Variants in PALS2 observed in about 807,000 individuals in gnomAD.
The protein encoded by PALS2 is protein associated with LIN7 2, MAGUK p55 family member.
A neutral mutation model predicts 61.6 loss-of-function variants in PALS2; 27 were observed. The observed-to-expected ratio is 0.44, with a 90% CI of 0.32 to 0.60. The LOEUF (loss-of-function observed/expected upper bound fraction) is 0.60. PALS2 is among the 20% of genes least tolerant of loss of function. The probability of loss-of-function intolerance (pLI) is 0.05; values close to 1 mark genes in which losing one functional copy is unlikely to be tolerated. For missense variants in PALS2, 554 were observed against 639.4 expected (o/e 0.87, Z 1.44); for synonymous variants, 236 against 218.6 (o/e 1.08, Z -0.70).
intron 1 of PALS2, among the ~76,000 whole-genome samples, chr7:24,609,418 G>A (rs1427319302): frequency 2.0e-5 from 3 of 152,124 alleles, no homozygotes; most frequent in Non-Finnish European, 4.4e-5. Flanking sequence ...CTCTGGATAT[G>A]GGACATATTA....
chr7:24,692,503 T>C lies in PALS2; in HGVS notation c.*4889T>C, dbSNP rs1788521744. ...TTAGGCTACTTTATCTGTTCTCTTT[T>C]AGTTATTTTAAAGTGTACCTGTTTC... On this transcript the variant is annotated 3_prime_UTR_variant, in exon 12 of 12. Transcript: ENST00000222644. 6.6e-6 allele frequency: 1 copy of C among 152,198 alleles called. No homozygotes were observed. Among genetic ancestry groups the C allele is most frequent in the African/African-American group, 2.4e-5 (1 of 41,464 alleles). 9.4% of individuals were successfully genotyped at this position (152,198 alleles called of 1,614,324 possible).
chr7:24,644,767 G>C (rs1399915254), intron 3 of PALS2, among the ~76,000 whole-genome samples: 1 of 151,846 alleles, frequency 6.6e-6, no homozygotes, highest in Non-Finnish European at 1.5e-5. Context: ...CCACCAAGAA[G>C]GTACGAGTGT....
chr7:24,597,049 G>C (rs1195341041), intron 1 of PALS2: 1 of 152,148 alleles, frequency 6.6e-6, no homozygotes, highest in East Asian at 1.9e-4. Context: ...GGTAGTTGGT[G>C]ATGTCGTAAT....
chr7:24,657,718 A>G (rs1786494931), intron 5 of PALS2, among the ~76,000 whole-genome samples: 1 of 152,144 alleles, frequency 6.6e-6, no homozygotes, highest in Admixed American at 6.5e-5. Context: ...AATCCAATTT[A>G]TGATTTTTTT....
At chr7:24,639,680 T>A (rs1191740805) in intron 2 of PALS2, among the ~76,000 whole-genome samples, 1 of 152,002 alleles carries the variant, frequency 6.6e-6, no homozygotes, top group Admixed American at 6.5e-5. Flanking sequence ...TTTCTTTTTT[T>A]TTTTTCCAAT....
At chr7:24,685,613 C>T (rs1242977417) in intron 11 of PALS2, among the ~76,000 whole-genome samples, 2 of 151,104 alleles carry the variant, frequency 1.3e-5, no homozygotes, top group Admixed American at 6.6e-5. Flanking sequence ...ATTCCTGTTC[C>T]ATCTGTATGG....
At chr7:24,647,849 T>C (rs1329840237) in intron 3 of PALS2, among the ~76,000 whole-genome samples, 2 of 152,178 alleles carry the variant, frequency 1.3e-5, no homozygotes, top group African/African-American at 4.8e-5. Flanking sequence ...ATTTTCAAAT[T>C]GCCGTGACTT....
chr7:24,665,372 C>T (rs1354479071), intron 6 of PALS2, among the ~76,000 whole-genome samples: 1 of 152,180 alleles, frequency 6.6e-6, no homozygotes, highest in Non-Finnish European at 1.5e-5. Flanking sequence ...CCACATTTCA[C>T]TACCAGATGA....
At chr7:24,652,873 G>A (rs1232011393) in intron 5 of PALS2, among the ~76,000 whole-genome samples, 1 of 152,146 alleles carries the variant, frequency 6.6e-6, no homozygotes, top group Non-Finnish European at 1.5e-5. Flanking sequence ...ATCGTTTCAG[G>A]TGCTTGGTAA....
At chr7:24,674,521 A>G (rs1251646414) in intron 9 of PALS2, 1 of 152,476 alleles carries the variant, frequency 6.6e-6, no homozygotes, top group African/African-American at 2.4e-5. Context: ...CAACCATCAT[A>G]CATCTTCAGG....
At chr7:24,595,082 AGAT>A (rs66502073) in intron 1 of PALS2, among the ~76,000 whole-genome samples, 3,919 of 152,136 alleles carry the variant, frequency 0.026, 62 homozygotes, top group Non-Finnish European at 0.041. Context: ...TTCAGGTGAG[AGAT>A]GATGAGAGAG....
At chr7:24,680,284 C>T (rs191247480) in intron 10 of PALS2, 108 bp from the exon 11 acceptor site, 60 of 1,105,940 alleles carry the variant, frequency 5.4e-5, no homozygotes, top group Non-Finnish European at 6.4e-5. Context: ...TAAGTTATGT[C>T]CTTTAATTCA....
chr7:24,575,818 C>T (rs938900274), intron 1 of PALS2, among the ~76,000 whole-genome samples: 18 of 152,142 alleles, frequency 1.2e-4, no homozygotes, highest in African/African-American at 4.3e-4. Flanking sequence ...TAAGAGGACG[C>T]ATTTATACTT....
intron 9 of PALS2, among the ~76,000 whole-genome samples, chr7:24,669,929 A>G (rs1022832514): frequency 6.6e-6 from 1 of 152,198 alleles, no homozygotes; most frequent in Non-Finnish European, 1.5e-5. Context: ...TATCAAATTC[A>G]TATGTGCCCA....
intron 2 of PALS2, among the ~76,000 whole-genome samples, chr7:24,624,408 C>T (rs1784648548): frequency 6.6e-6 from 1 of 152,048 alleles, no homozygotes; most frequent in Non-Finnish European, 1.5e-5. Flanking sequence ...GAATCTATGC[C>T]ACATGCCTTC....
Position 24,676,900 on chromosome 7 carries a change from G to C in PALS2, c.1115-2231G>C, listed in dbSNP as rs546143153. Among the ~76,000 whole-genome samples the C allele has an allele frequency of 2.6e-4, 39 of 151,016 alleles. 1 individual carries two copies. The highest frequency in any genetic ancestry group is 6.4e-4 in the African/African-American group (26 of 40,458). On this transcript the variant is annotated intron_variant, in intron 9 of 11. Coordinates refer to ENST00000222644, the MANE Select transcript of PALS2 (RefSeq NM_001303037.2). ...ATATGAACTTTAAAGTAGTTTTTTC[G>C]AATTCTGTGAAGAAAGGCATTGGTA...
At chr7:24,626,937 C>G (rs546325402) in intron 2 of PALS2, among the ~76,000 whole-genome samples, 1 of 152,132 alleles carries the variant, frequency 6.6e-6, no homozygotes, top group African/African-American at 2.4e-5. Flanking sequence ...TTTAACACCC[C>G]ACCGTCAATA....
intron 1 of PALS2, among the ~76,000 whole-genome samples, chr7:24,617,176 T>C (rs1200725528): frequency 1.3e-5 from 2 of 152,166 alleles, no homozygotes; most frequent in South Asian, 2.1e-4. Context: ...TTGTTGAAGC[T>C]CTTCATTGTA....
At chr7:24,653,552 C>T (rs1005497623) in intron 5 of PALS2, among the ~76,000 whole-genome samples, 13 of 152,212 alleles carry the variant, frequency 8.5e-5, no homozygotes, top group South Asian at 6.2e-4. Context: ...ATTCCACTTT[C>T]GTTTTCATTA....
Sources: allele counts gnomAD v4.1 joint callset (sites outside exome capture counted in the v4.1 genomes callset), GRCh38; gene constraint gnomAD v4.1.1; transcripts MANE v1.5; gene names NCBI Gene and HGNC (gene_info 2026-07-23, HGNC 2026-07-21).